LYST: variants seen among roughly 807,000 people sequenced by gnomAD.
The protein encoded by LYST is lysosomal-trafficking regulator.
Under a neutral mutation model 413.6 loss-of-function variants are expected in LYST, and 192 were observed. That is an observed-to-expected ratio of 0.46 (90% CI 0.41 to 0.52). The LOEUF is 0.52. Among genes scored for constraint, LYST ranks in the 20% least tolerant of loss-of-function variants. The pLI is 0.00. For synonymous variants in LYST, 1,525 were observed against 1,567.3 expected (o/e 0.97, Z 0.64); for missense variants, 3,815 against 4,499.9 (o/e 0.85, Z 4.35).
At position 235,720,923 on chromosome 1, in the gene LYST, G is replaced by T. The variant is rs371824226; in HGVS notation, c.9316-18C>A. Reference sequence around the variant, plus strand: ...TCACGAACCTAAAAGGGAAGGAGAAGAAAAAAACCCAGATATTATTTTTAG... The same window carrying T: ...TCACGAACCTAAAAGGGAAGGAGAATAAAAAAACCCAGATATTATTTTTAG... On this transcript the variant is annotated intron_variant, in intron 39 of 52. Coordinates refer to ENST00000389793, the MANE Select transcript of LYST (RefSeq NM_000081.4). The T allele has an allele frequency of 9.3e-6, 15 of 1,610,956 alleles. No homozygotes were observed. The African/African-American group carries it at 1.6e-4, about 17-fold the overall frequency.
chr1:235,733,431 T>A (rs1173039430), intron 34 of LYST, 72 bp downstream of exon 34: 2 of 1,323,540 alleles, frequency 1.5e-6, no homozygotes, highest in Non-Finnish European at 1.1e-6. Context: ...AATTCCGGAA[T>A]ACAAATTCCG....
At chr1:235,860,691 A>G (rs1319980528) in intron 1 of LYST, among the ~76,000 whole-genome samples, 1 of 152,224 alleles carries the variant, frequency 6.6e-6, no homozygotes, top group African/African-American at 2.4e-5. Flanking sequence ...CTTTACAGGT[A>G]TAACTGACAT....
At chr1:235,858,401 T>C (rs933750595) in intron 1 of LYST, among the ~76,000 whole-genome samples, 2 of 152,154 alleles carry the variant, frequency 1.3e-5, no homozygotes, top group African/African-American at 4.8e-5. Flanking sequence ...AATATTAATA[T>C]TGTTATAATT....
chr1:235,827,965 T>C (rs1675521842), intron 3 of LYST: 2 of 413,262 alleles, frequency 4.8e-6, no homozygotes, highest in South Asian at 1.0e-4. Context: ...TACAAAACTT[T>C]TAAAGAGATG....
At position 235,808,439 on chromosome 1, in the gene LYST, C is replaced by A. The variant is rs1176497260; in HGVS notation, c.2363+16G>T. On this transcript the variant is annotated intron_variant, in intron 5 of 52. Transcript: ENST00000389793. ...CAACAACCCCCGCCCCCGCCGCCAC[C>A]CACACACATACAAACCTGGATTTAA... 2.5e-6 allele frequency: 4 copies of A among 1,612,116 alleles called. No homozygotes were observed. Among genetic ancestry groups the A allele is most frequent in the Non-Finnish European group, 3.4e-6 (4 of 1,178,992 alleles).
chr1:235,663,799 A>G (rs1658216996), intron 52 of LYST, among the ~76,000 whole-genome samples, 185 bp downstream of exon 52: 1 of 152,252 alleles, frequency 6.6e-6, no homozygotes, highest in Non-Finnish European at 1.5e-5. Context: ...TTTAAGCTCC[A>G]TGAAGACAAG....
Position 235,662,978 on chromosome 1 carries a change from T to G in LYST, c.11368A>C (p.Met3790Leu). The part of the protein sequence containing the change: ...RKDQQRLKQP[M>L]FYSFLSSYAA... The stretch of plus-strand genomic sequence containing the variant: ...TAGCTGCTAAGGAAGGAATAGAACA[T>G]TGGCTGTTTCAAGCGCTGCTGGTCC... The change falls in exon 53 of 53, where the codon ATG becomes CTG. Residue 3790 changes from methionine (M) to leucine (L), a missense_variant. Around this residue, in one of 4 missense-constraint regions of LYST, gnomAD observed 866 missense variants for 1,156.0 expected, o/e 0.75. Transcript: ENST00000389793. 1 of 1,612,210 alleles carries G rather than the reference T, an allele frequency of 6.2e-7. No individual in the cohort carries two copies.
chr1:235,724,029 T>C lies in LYST; in HGVS notation c.9314A>G (p.Lys3105Arg), dbSNP rs759207082. The C allele has an allele frequency of 2.5e-6, 4 of 1,613,134 alleles. No individual in the cohort carries two copies. The highest frequency in any genetic ancestry group is 2.5e-6 in the Non-Finnish European group (3 of 1,179,160). ...RTLLLAFDNT[K>R]VRDDVYHNIL... is the part of the protein sequence containing the mutation. Reference sequence around the variant, plus strand: ...ATCAATTAATAAGGGTGAATTTACCTTGGTGTTATCAAATGCCAACAGGAG... The same window carrying C: ...ATCAATTAATAAGGGTGAATTTACCCTGGTGTTATCAAATGCCAACAGGAG... The change falls in exon 39 of 53, where the codon AAG (lysine) becomes AGG (arginine). Residue 3105 changes from lysine to arginine, a missense_variant and splice_region_variant. Physicochemically the swap from Lys to Arg is conservative, Grantham distance 26 (BLOSUM62 2). Around this residue, in one of 4 missense-constraint regions of LYST, gnomAD observed 866 missense variants for 1,156.0 expected, o/e 0.75. Coordinates refer to ENST00000389793, the MANE Select transcript of LYST (RefSeq NM_000081.4).
At chr1:235,714,966 C>T (rs553100695) in intron 42 of LYST, among the ~76,000 whole-genome samples, 79 of 152,214 alleles carry the variant, frequency 5.2e-4, no homozygotes, top group African/African-American at 1.9e-3. Flanking sequence ...AAGTGAATTG[C>T]ATTTTTATAA....
At chr1:235,736,573 A>G (rs2103233250) in intron 31 of LYST, 1 of 152,314 alleles carries the variant, frequency 6.6e-6, no homozygotes, top group East Asian at 1.9e-4. Flanking sequence ...AGAGTTAATC[A>G]GAATCAAGTT....
chr1:235,728,859 C>A (rs1039266802), intron 37 of LYST, among the ~76,000 whole-genome samples: 8 of 152,132 alleles, frequency 5.3e-5, no homozygotes, highest in African/African-American at 1.9e-4. Context: ...CTATAGCTTA[C>A]AACATTCATT....
In LYST at chr1:235,705,387, T is replaced by A. The variant is rs1661895075; in HGVS notation, c.10144-2410A>T. Among the ~76,000 whole-genome samples the A allele has an allele frequency of 2.0e-5, 3 of 152,256 alleles. No individual in the cohort carries two copies. In the South Asian group the frequency reaches 6.2e-4, roughly 32 times the overall value. ...GTGTATTTCAGTCTTCAGATACTTTTTTTTAAAAAAAAAATTGAGACAGGG... is the reference window on the plus strand; with the variant it reads ...GTGTATTTCAGTCTTCAGATACTTTATTTTAAAAAAAAAATTGAGACAGGG... On this transcript the variant is annotated intron_variant, in intron 44 of 52. Transcript: ENST00000389793.
intron 1 of LYST, among the ~76,000 whole-genome samples, chr1:235,846,299 A>AAG (rs1171997077): frequency 6.6e-6 from 1 of 152,142 alleles, no homozygotes; most frequent in African/African-American, 2.4e-5. Context: ...GGCTCACAGG[A>AAG]AGCCACATCC....
At chr1:235,845,498 G>A (rs554715815) in intron 1 of LYST, among the ~76,000 whole-genome samples, 8 of 152,244 alleles carry the variant, frequency 5.3e-5, no homozygotes, top group African/African-American at 1.2e-4. Flanking sequence ...CCAGAACTCC[G>A]GGGAGGGTGC....
rs568836246 is a variant in LYST, at chr1:235,774,524, G to A, written c.5634+389C>T. Among the ~76,000 whole-genome samples, 5 of 152,258 alleles carry A rather than the reference G, an allele frequency of 3.3e-5. No individual in the cohort carries two copies. The East Asian group carries it at 7.7e-4, about 24-fold the overall frequency. The stretch of plus-strand genomic sequence containing the variant: ...ATCTGTGACTTGAAAAACTAACTCT[G>A]TAGCAGCAGTGCCTAATGGAATGGT... On this transcript the variant is annotated intron_variant, in intron 18 of 52. Coordinates refer to ENST00000389793, the MANE Select transcript of LYST (RefSeq NM_000081.4).
At position 235,831,271 on chromosome 1, in the gene LYST, T is replaced by C. The variant is rs544448661; in HGVS notation, c.-7-847A>G. 7.9e-5 allele frequency among the ~76,000 whole-genome samples: 12 copies of C among 152,276 alleles called. No homozygotes were observed. In the East Asian group the frequency reaches 2.3e-3, roughly 29 times the overall value. On this transcript the variant is annotated intron_variant, in intron 2 of 52. Transcript: ENST00000389793. ...GTCCCTGCTGAGAGGGCAGTGCACA[T>C]ATGACTATGCCTCTTGCCAAGAGGC...
At chr1:235,732,701 T>C (rs1664487555) in intron 34 of LYST, among the ~76,000 whole-genome samples, 1 of 152,208 alleles carries the variant, frequency 6.6e-6, no homozygotes, top group Admixed American at 6.5e-5. Flanking sequence ...AATTAGCCTC[T>C]AGCAATATTG....
In LYST at chr1:235,738,992, T is replaced by C. The variant is rs547336332; in HGVS notation, c.8358+2430A>G. ...TACAAAAAGAGCTGCAATTTTAAAG[T>C]CTTCTGATGTCATACTATTTCACTG... is the stretch of plus-strand genomic sequence containing the variant. On this transcript the variant is annotated intron_variant, in intron 31 of 52. Coordinates refer to ENST00000389793, the MANE Select transcript of LYST (RefSeq NM_000081.4). 8.7e-4 allele frequency: 616 copies of C among 709,586 alleles called. 4 individuals are homozygous for C. In the African/African-American group the frequency reaches 9.8e-3, roughly 11 times the overall value. The allele number at this position is 709,586 out of a possible 1,614,324, so 44.0% of individuals were successfully genotyped here. A position where few individuals can be genotyped will look rare whatever the true frequency, so the allele number is the denominator to read the frequency against.
chr1:235,811,225 A>G (rs1484279529), intron 4 of LYST, among the ~76,000 whole-genome samples: 1 of 152,196 alleles, frequency 6.6e-6, no homozygotes, highest in Non-Finnish European at 1.5e-5. Context: ...TCTAACTTCA[A>G]CATAAGAGAT....
Sources: gnomAD v4.1 joint callset for allele counts (sites outside exome capture counted in the v4.1 genomes callset) on GRCh38, gnomAD v4.1.1 for gene constraint, gnomAD v4.1.1 regional missense constraint, MANE v1.5 for transcripts, NCBI Gene and HGNC (gene_info 2026-07-23, HGNC 2026-07-21) for gene names.